ZBTB20: variants seen among roughly 807,000 people sequenced by gnomAD.
The protein encoded by ZBTB20 is zinc finger and BTB domain-containing protein 20.
A neutral mutation model predicts 56.9 loss-of-function variants in ZBTB20; 9 were observed. The ratio of observed to expected loss-of-function variants is 0.16; its 90% CI spans 0.10 to 0.28. The LOEUF is 0.28. Ranked by LOEUF, ZBTB20 falls within the 10% of genes least tolerant of loss-of-function variation. The pLI, the probability that ZBTB20 is intolerant of heterozygous loss-of-function variation, is 1.00. For synonymous variants in ZBTB20, 417 were observed against 420.7 expected, an observed-to-expected ratio of 0.99 and a Z score of 0.11; for missense variants, 655 against 1,003.0, an observed-to-expected ratio of 0.65 and a Z score of 4.69.
chr3:115,004,675 G>GC (rs574204447), intron 2 of ZBTB20, among the ~76,000 whole-genome samples: 89 of 151,748 alleles, frequency 5.9e-4, no homozygotes, highest in African/African-American at 2.1e-3. Flanking sequence ...CACTTGGCCA[G>GC]TTTTTTCTTT....
chr3:114,803,469 G>A (rs1369095503), intron 4 of ZBTB20, among the ~76,000 whole-genome samples: 2 of 151,698 alleles, frequency 1.3e-5, no homozygotes, highest in Non-Finnish European at 2.9e-5. Flanking sequence ...AAAACAGATG[G>A]ATCTTACTTT....
intron 5 of ZBTB20, among the ~76,000 whole-genome samples, chr3:114,764,788 A>C (rs573532654): frequency 2.7e-4 from 41 of 152,190 alleles, no homozygotes; most frequent in Admixed American, 2.5e-3. Flanking sequence ...GCAATCTTAT[A>C]TTCATTTATA....
chr3:114,773,079 T>C (rs1454878004), intron 5 of ZBTB20, among the ~76,000 whole-genome samples: 1 of 152,130 alleles, frequency 6.6e-6, no homozygotes. Context: ...TAAAGATGGT[T>C]CCCAGCTGAT....
chr3:114,797,579 A>G (rs2071414510), intron 5 of ZBTB20, among the ~76,000 whole-genome samples: 1 of 152,000 alleles, frequency 6.6e-6, no homozygotes, highest in South Asian at 2.1e-4. Context: ...TTCCTTAATA[A>G]CAGAAAATAT....
At chr3:115,022,437 G>T (rs1048615662) in intron 2 of ZBTB20, among the ~76,000 whole-genome samples, 2 of 150,960 alleles carry the variant, frequency 1.3e-5, no homozygotes, top group African/African-American at 4.8e-5. Flanking sequence ...GACCTTCAGT[G>T]CCAACAACAT....
chr3:114,735,005 T>C (rs2108561808), intron 5 of ZBTB20, among the ~76,000 whole-genome samples: 1 of 151,546 alleles, frequency 6.6e-6, no homozygotes, highest in East Asian at 1.9e-4. Flanking sequence ...ACACACACAG[T>C]GGCTCACTGG....
rs2078876060 is a variant in ZBTB20, at chr3:114,321,058, A to AGAAAGACCAG, written c.*17946_*17947insCTGGTCTTTC. ...AGCCTCCAAGTTATGTTAGGTGGAC[A>AGAAAGACCAG]GTAAGACCAGGTGGACAGCATTTGA... On this transcript the variant is annotated 3_prime_UTR_variant, in exon 12 of 12. Coordinates refer to ENST00000675478, the MANE Select transcript of ZBTB20 (RefSeq NM_001348800.3). The AGAAAGACCAG allele has an allele frequency of 6.6e-6, 1 of 152,226 alleles. No homozygotes were observed. 9.4% of individuals were successfully genotyped at this position (152,226 alleles called of 1,614,324 possible).
intron 1 of ZBTB20, among the ~76,000 whole-genome samples, chr3:115,104,898 T>C (rs1324129143): frequency 1.3e-5 from 2 of 152,122 alleles, no homozygotes; most frequent in Non-Finnish European, 1.5e-5. Flanking sequence ...TTATCATATG[T>C]AACAAATATA....
chr3:114,932,114 C>A (rs1042241760), intron 3 of ZBTB20, among the ~76,000 whole-genome samples: 1 of 152,154 alleles, frequency 6.6e-6, no homozygotes, highest in African/African-American at 2.4e-5. Context: ...GGAAATTCTG[C>A]TGAAGCTGTT....
chr3:114,584,592 A>C (rs1264788539), intron 6 of ZBTB20, among the ~76,000 whole-genome samples: 3 of 152,078 alleles, frequency 2.0e-5, no homozygotes, highest in Non-Finnish European at 4.4e-5. Context: ...TGTTCCACAA[A>C]GCTAAGGTAT....
intron 2 of ZBTB20, among the ~76,000 whole-genome samples, chr3:114,994,008 T>C (rs923665712): frequency 1.3e-5 from 2 of 151,812 alleles, no homozygotes; most frequent in African/African-American, 4.8e-5. Flanking sequence ...AACCATATTA[T>C]TTTTTCAGTA....
chr3:114,990,713 C>T (rs1334468855), intron 2 of ZBTB20, among the ~76,000 whole-genome samples: 1 of 152,034 alleles, frequency 6.6e-6, no homozygotes, highest in Admixed American at 6.6e-5. Flanking sequence ...TGGTAGAATT[C>T]GGCTGTGGAT....
At chr3:114,879,417 TA>T (rs373357217) in intron 4 of ZBTB20, among the ~76,000 whole-genome samples, 5 of 151,098 alleles carry the variant, frequency 3.3e-5, no homozygotes, top group African/African-American at 9.7e-5. Flanking sequence ...CACTGCACTT[TA>T]AAAAAAAACC....
chr3:114,742,850 G>A (rs1399094706), intron 5 of ZBTB20, among the ~76,000 whole-genome samples: 6 of 152,156 alleles, frequency 3.9e-5, no homozygotes, highest in Non-Finnish European at 8.8e-5. Context: ...TTGTTTCAAA[G>A]CCTTTCTGGG....
chr3:114,406,053 T>C (rs939196930), intron 7 of ZBTB20, among the ~76,000 whole-genome samples: 2 of 150,058 alleles, frequency 1.3e-5, no homozygotes, highest in African/African-American at 4.9e-5. Flanking sequence ...ACTGGGTAAA[T>C]GTTATTTTTT....
intron 4 of ZBTB20, among the ~76,000 whole-genome samples, chr3:114,812,025 C>CT (rs368324052): frequency 4.4e-4 from 67 of 152,272 alleles, no homozygotes; most frequent in African/African-American, 1.5e-3. Context: ...GTCTCGCTGG[C>CT]TCAGGAGTGA....
At chr3:114,916,016 C>G (rs907991811) in intron 3 of ZBTB20, among the ~76,000 whole-genome samples, 6 of 152,100 alleles carry the variant, frequency 3.9e-5, no homozygotes, top group African/African-American at 1.2e-4. Flanking sequence ...GACAAAAATG[C>G]GTATTTTGCA....
At chr3:114,392,086 G>A (rs1006813258) in intron 7 of ZBTB20, among the ~76,000 whole-genome samples, 1 of 152,098 alleles carries the variant, frequency 6.6e-6, no homozygotes, top group Non-Finnish European at 1.5e-5. Flanking sequence ...AAAAAACAAG[G>A]AAGCAAAGTT....
chr3:114,457,081 T>C (rs1418001044), intron 7 of ZBTB20, among the ~76,000 whole-genome samples: 2 of 152,218 alleles, frequency 1.3e-5, no homozygotes, highest in African/African-American at 4.8e-5. Flanking sequence ...ATTTTGATAA[T>C]GGCAGATCCT....
Sources: allele counts gnomAD v4.1 joint callset (sites outside exome capture counted in the v4.1 genomes callset), GRCh38; gene constraint gnomAD v4.1.1; transcripts MANE v1.5; gene names NCBI Gene and HGNC (gene_info 2026-07-23, HGNC 2026-07-21).